NKX2-2: variants seen among roughly 807,000 people sequenced by gnomAD.
The protein encoded by NKX2-2 is NK2 homeobox 2, also known as homeobox protein Nkx-2.2.
Under a neutral mutation model 24.6 loss-of-function variants are expected in NKX2-2, and 8 were observed. The ratio of observed to expected loss-of-function variants is 0.32; its 90% confidence interval spans 0.19 to 0.59. The LOEUF (loss-of-function observed/expected upper bound fraction) is 0.59, where lower values mean the gene tolerates loss of function less well. Ranked by LOEUF, NKX2-2 falls within the 20% of genes least tolerant of loss-of-function variation. The pLI, the probability that NKX2-2 is intolerant of heterozygous loss-of-function variation, is 0.86. For synonymous variants in NKX2-2, 217 were observed against 173.3 expected, an observed-to-expected ratio of 1.25 and a Z score of -1.98; for missense variants, 381 against 373.9, an observed-to-expected ratio of 1.02 and a Z score of -0.16.
At chr20:21,512,575 G>T (rs911190230) in intron 1 of NKX2-2, 90 bp from the exon 2 acceptor site, 5 of 997,408 alleles carry the variant, frequency 5.0e-6, no homozygotes, top group South Asian at 3.4e-5. Flanking sequence ...TCCTCCGTGC[G>T]ACCCTGGACC....
At chr20:21,512,749 G>C (rs111625848) in intron 1 of NKX2-2, among the ~76,000 whole-genome samples, 3 of 152,168 alleles carry the variant, frequency 2.0e-5, no homozygotes, top group African/African-American at 4.8e-5. Context: ...GAGAATTTGG[G>C]GGGGGAAGTG....
At chr20:21,522,597 T>C in the NKX2-2 span, among the ~76,000 whole-genome samples, 1 of 151,950 alleles carries the variant, frequency 6.6e-6, no homozygotes, top group African/African-American at 2.4e-5. Context: ...GAGCCTCGGC[T>C]GGGCGAGCGC....
upstream of NKX2-2, among the ~76,000 whole-genome samples, chr20:21,515,792 C>T (rs989484826): frequency 1.3e-5 from 2 of 152,140 alleles, no homozygotes; most frequent in African/African-American, 4.8e-5. Flanking sequence ...CCTCCTCGCG[C>T]GCAGCTGCAG....
chr20:21,514,347 T>C (rs1378834377), upstream of NKX2-2, among the ~76,000 whole-genome samples: 1 of 151,410 alleles, frequency 6.6e-6, no homozygotes, highest in African/African-American at 2.4e-5. Context: ...AACGGCCCTC[T>C]AGAGCAAGAT....
At position 21,513,531 on chromosome 20, in the gene NKX2-2, GC is replaced by G; in HGVS notation, c.138del (p.Pro47ArgfsTer15). On this transcript the variant is annotated frameshift_variant, in exon 1 of 2. Coordinates refer to ENST00000377142, the MANE Select transcript of NKX2-2 (RefSeq NM_002509.4). LOFTEE classifies it high-confidence loss of function. This position sits in a 1 kb window ranked among gnomAD's most constrained non-coding sequence, Gnocchi z 4.6. ...GCGTCCAGGGCGCCCTGCCCCAGCGGCCCGGCCCTCTTGGCTGGCTCGGGCC... is the reference window on the plus strand; with the variant it reads ...GCGTCCAGGGCGCCCTGCCCCAGCGGCCGGCCCTCTTGGCTGGCTCGGGCC... ...NEGPEPAKRA[G>X]PLGQGALDAV... 1 of 1,613,352 alleles carries G rather than the reference GC, an allele frequency of 6.2e-7. No individual in the cohort carries two copies. The highest frequency in any genetic ancestry group is 8.5e-7 in the Non-Finnish European group (1 of 1,179,728).
chr20:21,514,821 T>C (rs1184920132), upstream of NKX2-2, among the ~76,000 whole-genome samples: 4 of 152,288 alleles, frequency 2.6e-5, no homozygotes, highest in South Asian at 2.1e-4. Flanking sequence ...AGGCAAGTAA[T>C]TGATTCCAGT....
intron 1 of NKX2-2, among the ~76,000 whole-genome samples, chr20:21,512,745 T>C (rs774535783): frequency 2.0e-5 from 3 of 151,582 alleles, no homozygotes; most frequent in Non-Finnish European, 4.4e-5. Context: ...GGGTGAGAAT[T>C]TGGGGGGGGA....
At position 21,512,437 on chromosome 20, in the gene NKX2-2, G is replaced by T. The variant is rs750435053; in HGVS notation, c.308C>A (p.Ser103Tyr). 2.5e-6 allele frequency: 4 copies of T among 1,590,044 alleles called. No individual in the cohort carries two copies. Among genetic ancestry groups the T allele is most frequent in the East Asian group, 4.5e-5 (2 of 44,402 alleles). The change falls in exon 2 of 2, where the codon TCC becomes TAC. Residue 103 changes from serine to tyrosine, a missense_variant. Ser to Tyr is a moderately radical substitution (Grantham distance 144). Around this residue, in one of 3 missense-constraint regions of NKX2-2, gnomAD observed 206 missense variants for 173.1 expected, o/e 1.19. Coordinates refer to ENST00000377142, the MANE Select transcript of NKX2-2 (RefSeq NM_002509.4). ...TGACTCGTCGGCCGAGGGCTCCGGG[G>T]ACTTGGAGCTTGAGTCCTGAGGGGG... ...GAPPQDSSSK[S>Y]PEPSADESPD...
At chr20:21,519,737 T>C in the NKX2-2 span, among the ~76,000 whole-genome samples, 1 of 152,142 alleles carries the variant, frequency 6.6e-6, no homozygotes, top group East Asian at 1.9e-4. Flanking sequence ...TGAAAATCCA[T>C]CCCAGCTCCA....
In NKX2-2 at chr20:21,512,157, G is replaced by C. The variant is rs769501694; in HGVS notation, c.588C>G (p.Pro196=). The C allele has an allele frequency of 5.0e-6, 8 of 1,613,854 alleles. No individual in the cohort carries two copies. The highest frequency in any genetic ancestry group is 4.5e-5 in the East Asian group (2 of 44,870). ...CGGCCACCCGGCGCGGCGAGGGCAG[G>C]GGCGTCACCTCCATACCTTTCTCGG... ...ARAEKGMEVT[P]LPSPRRVAVP... Residue 196 remains proline, a synonymous_variant, in exon 2 of 2, where the codon CCC becomes CCG. Coordinates refer to ENST00000377142, the MANE Select transcript of NKX2-2 (RefSeq NM_002509.4).
upstream of NKX2-2, among the ~76,000 whole-genome samples, chr20:21,518,223 T>C (rs1410748896): frequency 6.6e-6 from 1 of 152,030 alleles, no homozygotes; most frequent in African/African-American, 2.4e-5. Flanking sequence ...GGTGTCTCCT[T>C]AGCGTCCCGA....
upstream of NKX2-2, among the ~76,000 whole-genome samples, chr20:21,518,739 T>G (rs2122552418): frequency 6.6e-6 from 1 of 152,322 alleles, no homozygotes; most frequent in East Asian, 1.9e-4. Flanking sequence ...TTACGCCCCC[T>G]GTTGTGGGGG....
In NKX2-2 at chr20:21,512,133, G is replaced by C; in HGVS notation, c.612C>G (p.Ala204=). The change falls in exon 2 of 2, where the codon GCC becomes GCG. Residue 204 remains alanine, a synonymous_variant. Coordinates refer to ENST00000377142, the MANE Select transcript of NKX2-2 (RefSeq NM_002509.4). The stretch of plus-strand genomic sequence containing the variant: ...TGCCGTCCCTGACCAAGACGGGCAC[G>C]GCCACCCGGCGCGGCGAGGGCAGGG... ...VTPLPSPRRV[A]VPVLVRDGKP... 1 of 1,613,690 alleles carries C rather than the reference G, an allele frequency of 6.2e-7. No homozygotes were observed. Among genetic ancestry groups the C allele is most frequent in the Non-Finnish European group, 8.5e-7 (1 of 1,179,886 alleles).
Position 21,511,562 on chromosome 20 carries a change from T to TG in NKX2-2, c.*360dup, listed in dbSNP as rs1043883053. The TG allele has an allele frequency of 5.4e-5, 11 of 204,494 alleles. No individual in the cohort carries two copies. Among genetic ancestry groups the TG allele is most frequent in the African/African-American group, 2.3e-4 (10 of 43,472 alleles). The allele number at this position is 204,494 out of a possible 1,614,324, so 12.7% of individuals were successfully genotyped here. A position where few individuals can be genotyped will look rare whatever the true frequency, so the allele number is the denominator to read the frequency against. ...TTTACAAAATGCACGAAAGCAGGGGTGGGGGGTCGGTCTTTTTCTCGTTTT... is the reference window on the plus strand; with the variant it reads ...TTTACAAAATGCACGAAAGCAGGGGTGGGGGGGTCGGTCTTTTTCTCGTTTT... On this transcript the variant is annotated 3_prime_UTR_variant, in exon 2 of 2. Coordinates refer to ENST00000377142, the MANE Select transcript of NKX2-2 (RefSeq NM_002509.4).
chr20:21,514,552 G>A (rs1980567208), upstream of NKX2-2, among the ~76,000 whole-genome samples: 1 of 152,182 alleles, frequency 6.6e-6, no homozygotes, highest in Non-Finnish European at 1.5e-5. Context: ...ACCAGGAGGA[G>A]GGAAAAAATC....
At position 21,513,762 on chromosome 20, in the gene NKX2-2, GTT is replaced by G. The variant is rs1980529821; in HGVS notation, c.-95_-94del. ...GCCCCGGCGGGCGGGGGAGGGGGGA[GTT>G]GGGGGGAGGGACTGGGGGAGGGGAG... On this transcript the variant is annotated 5_prime_UTR_variant, in exon 1 of 2. Coordinates refer to ENST00000377142, the MANE Select transcript of NKX2-2 (RefSeq NM_002509.4). This position sits in a 1 kb window ranked among gnomAD's most constrained non-coding sequence, Gnocchi z 4.6. 2.2e-6 allele frequency: 1 copy of G among 447,070 alleles called. No individual in the cohort carries two copies. The highest frequency in any genetic ancestry group is 3.3e-6 in the Non-Finnish European group (1 of 305,706). The allele number at this position is 447,070 out of a possible 1,614,324, so 27.7% of individuals were successfully genotyped here.
At chr20:21,520,051 C>G in the NKX2-2 span, among the ~76,000 whole-genome samples, 1 of 152,006 alleles carries the variant, frequency 6.6e-6, no homozygotes, top group Non-Finnish European at 1.5e-5. Flanking sequence ...TTTAAATTGC[C>G]CCAGGAAGGG....
At chr20:21,517,094 A>G (rs1330000362), upstream of NKX2-2, among the ~76,000 whole-genome samples, 1 of 152,142 alleles carries the variant, frequency 6.6e-6, no homozygotes, top group Non-Finnish European at 1.5e-5. Context: ...GAGTGCTGCC[A>G]TAGGCGCCTA....
the NKX2-2 span, among the ~76,000 whole-genome samples, chr20:21,521,093 G>A: frequency 1.3e-5 from 2 of 152,046 alleles, no homozygotes; most frequent in African/African-American, 2.4e-5. Context: ...GGAGCTAAGG[G>A]CTGGTTCCGG....
Sources: allele counts gnomAD v4.1 joint callset (sites outside exome capture counted in the v4.1 genomes callset), GRCh38; gene constraint gnomAD v4.1.1; regional missense constraint gnomAD v4.1.1; non-coding constraint Gnocchi (gnomAD v3.1); transcripts MANE v1.5; gene names NCBI Gene and HGNC (gene_info 2026-07-23, HGNC 2026-07-21).